Variants in CFTR observed in about 807,000 individuals in gnomAD.
CFTR encodes CF transmembrane conductance regulator.
In CFTR, 181 loss-of-function variants were observed where a neutral mutation model predicts 171.6. The observed-to-expected ratio is 1.05, with a 90% CI of 0.93 to 1.19. The LOEUF (loss-of-function observed/expected upper bound fraction) is 1.19. CFTR is among the 50% of genes most tolerant of loss of function. The probability of loss-of-function intolerance (pLI) is 0.00; values close to 1 mark genes in which losing one functional copy is unlikely to be tolerated. For missense variants in CFTR, 1,968 were observed against 1,734.7 expected, an observed-to-expected ratio of 1.13 and a Z score of -2.39; for synonymous variants, 583 against 608.0, an observed-to-expected ratio of 0.96 and a Z score of 0.60.
intron 10 of CFTR, among the ~76,000 whole-genome samples, chr7:117,552,366 T>TA (rs1491058151): frequency 8.5e-5 from 13 of 152,184 alleles, no homozygotes; most frequent in South Asian, 6.2e-4. Context: ...AGCTGTACTA[T>TA]GTGAAAATAT....
rs569426839 is a variant in CFTR at position 117,509,049 on chromosome 7, G to C, written c.180G>C (p.Glu60Asp). The change falls in exon 3 of 27, where the codon GAG becomes GAC. Residue 60 changes from glutamate to aspartate, a missense_variant. Transcript: ENST00000003084. ...SEKLEREWDR[E>D]LASKKNPKLI... ...TCTTTTGCAGAGAATGGGATAGAGA[G>C]CTGGCTTCAAAGAAAAATCCTAAAC... 4.3e-6 allele frequency: 7 copies of C among 1,609,518 alleles called. No individual in the cohort carries two copies. In the Admixed American group the frequency reaches 1.2e-4, roughly 27 times the overall value.
intron 3 of CFTR, among the ~76,000 whole-genome samples, chr7:117,523,288 GTGTGT>G (rs1404909632): frequency 6.6e-6 from 1 of 152,142 alleles, no homozygotes; most frequent in Non-Finnish European, 1.5e-5. Context: ...TGAGGCTGTA[GTGTGT>G]TGTGATGGCA....
At chr7:117,545,896 C>T (rs1305826056) in intron 9 of CFTR, among the ~76,000 whole-genome samples, 1 of 152,058 alleles carries the variant, frequency 6.6e-6, no homozygotes, top group African/African-American at 2.4e-5. Context: ...TCATAGCTCA[C>T]TGTAACCTTG....
intron 3 of CFTR, among the ~76,000 whole-genome samples, chr7:117,517,401 G>A (rs1798611789): frequency 6.6e-6 from 1 of 152,110 alleles, no homozygotes; most frequent in Admixed American, 6.6e-5. Context: ...CTTTTTTATG[G>A]CTGTATAGTA....
intron 11 of CFTR, among the ~76,000 whole-genome samples, chr7:117,572,946 T>C (rs1355027054): frequency 6.6e-6 from 1 of 152,152 alleles, no homozygotes; most frequent in Non-Finnish European, 1.5e-5. Flanking sequence ...GTTTATGGTA[T>C]TTTCCTATCT....
At chr7:117,498,935 G>A (rs1798279925) in intron 1 of CFTR, among the ~76,000 whole-genome samples, 1 of 151,832 alleles carries the variant, frequency 6.6e-6, no homozygotes, top group Non-Finnish European at 1.5e-5. Context: ...ACAAACTAGA[G>A]TAATTGCTAT....
rs1344284078 is a variant in CFTR, at chr7:117,489,068, A to G, written c.53+8921A>G. On this transcript the variant is annotated intron_variant, in intron 1 of 26. Coordinates refer to ENST00000003084, the MANE Select transcript of CFTR (RefSeq NM_000492.4). ...ACTTTGTGATGTAGTTTTGAAAAAA[A>G]AACAGGTAATATTTAGTCTGAAGTT... Among the ~76,000 whole-genome samples, 3 of 152,240 alleles carry G rather than the reference A, an allele frequency of 2.0e-5. No individual in the cohort carries two copies. In the East Asian group the frequency reaches 5.8e-4, roughly 29 times the overall value.
rs1244251221 is a variant in CFTR at position 117,658,849 on chromosome 7, AC to A, written c.3964-5834del. 7.2e-5 allele frequency among the ~76,000 whole-genome samples: 11 copies of A among 152,026 alleles called. No individual in the cohort carries two copies. The East Asian group carries it at 2.1e-3, about 29-fold the overall frequency. On this transcript the variant is annotated intron_variant, in intron 24 of 26. Coordinates refer to ENST00000003084, the MANE Select transcript of CFTR (RefSeq NM_000492.4). ...GGTTCCTGGCTCATTTCCCTCATTG[AC>A]CCCCAATAGTTCATTCTGCTCTTTG...
Position 117,606,639 on chromosome 7 carries a change from G to GT in CFTR, c.2909-29dup, listed in dbSNP as rs751227446. On this transcript the variant is annotated intron_variant, in intron 17 of 26. Coordinates refer to ENST00000003084, the MANE Select transcript of CFTR (RefSeq NM_000492.4). ...ATTGATATATCTTTAAAAAATTAGT[G>GT]TTTTTTGAGGAATTTGTCATCTTGT... is the stretch of plus-strand genomic sequence containing the variant. 5 of 1,164,890 alleles carry GT rather than the reference G, an allele frequency of 4.3e-6. No individual in the cohort carries two copies. The African/African-American group carries it at 4.5e-5, about 11-fold the overall frequency. 72.2% of individuals were successfully genotyped at this position (1,164,890 alleles called of 1,614,324 possible). A position where few individuals can be genotyped will look rare whatever the true frequency, so the allele number is the denominator to read the frequency against.
chr7:117,612,050 T>TATATATATAC (rs1792413917), intron 20 of CFTR, among the ~76,000 whole-genome samples: 1 of 74,288 alleles, frequency 1.3e-5, no homozygotes, highest in African/African-American at 6.2e-5. Context: ...TATATATATA[T>TATATATATAC]ATACATATAT....
At chr7:117,601,388 T>G (rs1792222558) in intron 15 of CFTR, among the ~76,000 whole-genome samples, 1 of 152,114 alleles carries the variant, frequency 6.6e-6, no homozygotes, top group Non-Finnish European at 1.5e-5. Context: ...AGTAGGAAAG[T>G]GAGAAAAATG....
chr7:117,601,312 A>G (rs2116055666), intron 15 of CFTR, among the ~76,000 whole-genome samples: 1 of 152,234 alleles, frequency 6.6e-6, no homozygotes, highest in Middle Eastern at 3.4e-3. Flanking sequence ...ATTAACTTGA[A>G]TTTCAAGGAA....
intron 11 of CFTR, among the ~76,000 whole-genome samples, chr7:117,583,421 A>G (rs886976528): frequency 2.0e-5 from 3 of 152,086 alleles, no homozygotes; most frequent in Admixed American, 1.3e-4. Flanking sequence ...AGAACATGCG[A>G]TATTTGGTTT....
chr7:117,664,615 G>C, intron 24 of CFTR, 73 bp from the exon 25 acceptor site: 1 of 1,387,998 alleles, frequency 7.2e-7, no homozygotes, highest in Admixed American at 1.7e-5. Flanking sequence ...GAACTCCTGT[G>C]TTTATTTTTA....
chr7:117,541,076 A>G (rs1020500802), intron 8 of CFTR, among the ~76,000 whole-genome samples: 1 of 152,146 alleles, frequency 6.6e-6, no homozygotes, highest in Non-Finnish European at 1.5e-5. Context: ...TCTCCTGTTC[A>G]TCATGCTCTC....
At chr7:117,507,367 A>G (rs1194607195) in intron 2 of CFTR, among the ~76,000 whole-genome samples, 1 of 152,186 alleles carries the variant, frequency 6.6e-6, no homozygotes, top group Non-Finnish European at 1.5e-5. Flanking sequence ...TATGGTTTCC[A>G]CCATGTTCCT....
intron 21 of CFTR, among the ~76,000 whole-genome samples, chr7:117,621,066 C>T (rs1792570086): frequency 6.6e-6 from 1 of 152,166 alleles, no homozygotes; most frequent in African/African-American, 2.4e-5. Context: ...AGCTCCACTG[C>T]ACTCCAGCCT....
rs201885470 is a variant in CFTR, at chr7:117,540,143, T to G, written c.913T>G (p.Phe305Val). The G allele has an allele frequency of 1.2e-6, 2 of 1,613,474 alleles. No individual in the cohort carries two copies. Among genetic ancestry groups the G allele is most frequent in the Non-Finnish European group, 1.7e-6 (2 of 1,179,540 alleles). ...LTRKAAYVRY[F>V]NSSAFFFSGF... ...TCGGAAGGCAGCCTATGTGAGATAC[T>G]TCAATAGCTCAGCCTTCTTCTTCTC... Residue 305 changes from phenylalanine to valine, a missense_variant, in exon 8 of 27, where the codon TTC becomes GTC. By Grantham distance (50) the Phe-to-Val change is conservative. Coordinates refer to ENST00000003084, the MANE Select transcript of CFTR (RefSeq NM_000492.4).
chr7:117,485,395 T>C (rs929325835), intron 1 of CFTR, among the ~76,000 whole-genome samples: 5 of 152,312 alleles, frequency 3.3e-5, no homozygotes, highest in Admixed American at 2.0e-4. Flanking sequence ...AAACAGACTA[T>C]GATAAAGATC....
Sources: gnomAD v4.1 joint callset for allele counts (sites outside exome capture counted in the v4.1 genomes callset) on GRCh38, gnomAD v4.1.1 for gene constraint, MANE v1.5 for transcripts, NCBI Gene and HGNC (gene_info 2026-07-23, HGNC 2026-07-21) for gene names.